QTMAN: variants seen among roughly 807,000 people sequenced by gnomAD.
QTMAN encodes the protein tRNA-queuosine alpha-mannosyltransferase.
chr2:144,177,021 G>A, the QTMAN span: 4 of 631,516 alleles, frequency 6.3e-6, no homozygotes, highest in Non-Finnish European at 8.6e-6. Flanking sequence ...AGAGAGAGTG[G>A]TGGGAGGTGC....
At chr2:144,018,149 C>G in the QTMAN span, among the ~76,000 whole-genome samples, 1 of 152,032 alleles carries the variant, frequency 6.6e-6, no homozygotes, top group Non-Finnish European at 1.5e-5. Context: ...CATTTTCCTT[C>G]TTAAAACTGC....
the QTMAN span, among the ~76,000 whole-genome samples, chr2:144,158,047 AC>A: frequency 6.6e-6 from 1 of 151,972 alleles, no homozygotes; most frequent in African/African-American, 2.4e-5. Context: ...GATGATGCCA[AC>A]TCATTGTAAA....
the QTMAN span, among the ~76,000 whole-genome samples, chr2:144,197,819 A>T: frequency 6.6e-6 from 1 of 152,150 alleles, no homozygotes; most frequent in Non-Finnish European, 1.5e-5. Flanking sequence ...AATAGTCTCC[A>T]TCCAATACTG....
the QTMAN span, among the ~76,000 whole-genome samples, chr2:144,249,886 C>T: frequency 3.3e-5 from 5 of 152,106 alleles, no homozygotes; most frequent in East Asian, 3.9e-4. Flanking sequence ...CATCAATTTT[C>T]GAAAAATATA....
At chr2:143,989,864 T>C in the QTMAN span, among the ~76,000 whole-genome samples, 12 of 152,136 alleles carry the variant, frequency 7.9e-5, no homozygotes, top group Non-Finnish European at 1.3e-4. Flanking sequence ...CAGTTTACCA[T>C]AGTTCCCATC....
chr2:143,971,170 T>C, the QTMAN span, among the ~76,000 whole-genome samples: 2 of 151,982 alleles, frequency 1.3e-5, no homozygotes, highest in African/African-American at 4.8e-5. Context: ...GACTCTCCAA[T>C]GATCATGAGA....
At chr2:144,241,706 T>C in the QTMAN span, among the ~76,000 whole-genome samples, 2 of 152,224 alleles carry the variant, frequency 1.3e-5, no homozygotes, top group East Asian at 1.9e-4. Context: ...TCTTTCTTTC[T>C]GTCTTCCTTT....
chr2:144,135,044 T>C, the QTMAN span, among the ~76,000 whole-genome samples: 9 of 152,188 alleles, frequency 5.9e-5, no homozygotes, highest in African/African-American at 1.9e-4. Context: ...TTGAAGAAGA[T>C]GATACCCATT....
chr2:144,103,106 A>C, the QTMAN span, among the ~76,000 whole-genome samples: 1 of 152,236 alleles, frequency 6.6e-6, no homozygotes, highest in South Asian at 2.1e-4. Flanking sequence ...AGATGATGAC[A>C]ATAATAACAA....
chr2:144,301,010 C>T, the QTMAN span, among the ~76,000 whole-genome samples: 2 of 151,960 alleles, frequency 1.3e-5, no homozygotes, highest in African/African-American at 4.8e-5. Context: ...ATCTGTTTAC[C>T]AAAGGCTAGT....
At chr2:144,225,853 C>T in the QTMAN span, among the ~76,000 whole-genome samples, 1 of 152,162 alleles carries the variant, frequency 6.6e-6, no homozygotes, top group Non-Finnish European at 1.5e-5. Flanking sequence ...TATAGTTATA[C>T]AGTATATGTG....
chr2:144,318,194 A>AAC, the QTMAN span, among the ~76,000 whole-genome samples: 35,101 of 141,842 alleles, frequency 0.25, 4,126 homozygotes, highest in East Asian at 0.33. Flanking sequence ...TATTTAAATA[A>AAC]ACACACACAC....
chr2:144,049,395 GAAGTTACTGA>G, the QTMAN span, among the ~76,000 whole-genome samples: 1 of 152,052 alleles, frequency 6.6e-6, no homozygotes, highest in African/African-American at 2.4e-5. Flanking sequence ...AACAAAAACT[GAAGTTACTGA>G]TACGAGTTGT....
At chr2:143,973,586 C>A in the QTMAN span, among the ~76,000 whole-genome samples, 57 of 151,728 alleles carry the variant, frequency 3.8e-4, no homozygotes, top group African/African-American at 1.3e-3. Flanking sequence ...GTCAGGAAAT[C>A]GAGACCATCC....
the QTMAN span, among the ~76,000 whole-genome samples, chr2:144,133,456 A>AAT: frequency 3.8e-3 from 170 of 44,438 alleles, 1 homozygote; most frequent in African/African-American, 0.018. Flanking sequence ...TATAATATAT[A>AAT]ATATATATTA....
the QTMAN span, among the ~76,000 whole-genome samples, chr2:144,212,272 G>T: frequency 7.2e-5 from 11 of 152,154 alleles, no homozygotes; most frequent in Non-Finnish European, 1.3e-4. Flanking sequence ...AAACCAGATT[G>T]GCCAACACGG....
chr2:144,131,983 C>A, the QTMAN span, among the ~76,000 whole-genome samples: 1 of 151,738 alleles, frequency 6.6e-6, no homozygotes, highest in African/African-American at 2.4e-5. Context: ...AGTCTTAGTG[C>A]CCAGCTCAAA....
the QTMAN span, among the ~76,000 whole-genome samples, chr2:144,201,591 T>C: frequency 6.6e-6 from 1 of 152,150 alleles, no homozygotes; most frequent in East Asian, 1.9e-4. Context: ...CAACAAAGGG[T>C]TCACTAAGTG....
chr2:144,018,071 T>A, the QTMAN span, among the ~76,000 whole-genome samples: 1 of 152,198 alleles, frequency 6.6e-6, no homozygotes, highest in South Asian at 2.1e-4. Flanking sequence ...TTTCCTATGA[T>A]ACTGTTTTCC....
Sources: allele counts gnomAD v4.1 joint callset (sites outside exome capture counted in the v4.1 genomes callset), GRCh38; gene constraint gnomAD v4.1.1; transcripts MANE v1.5; gene names NCBI Gene and HGNC (gene_info 2026-07-23, HGNC 2026-07-21).